The following CPNE9 variants were observed in gnomAD, a reference collection of about 807,000 sequenced individuals.
CPNE9 encodes the protein copine family member 9.
CPNE9 carries 59 observed loss-of-function variants against 83.0 expected under a neutral mutation model. The observed-to-expected ratio is 0.71, with a 90% CI of 0.58 to 0.88. CPNE9 has a LOEUF of 0.88. CPNE9 is among the 40% of genes least tolerant of loss of function. The pLI is 0.00. For missense variants in CPNE9, 619 were observed against 720.8 expected, an observed-to-expected ratio of 0.86 and a Z score of 1.62; for synonymous variants, 256 against 273.4, an observed-to-expected ratio of 0.94 and a Z score of 0.63.
chr3:9,716,963 A>G, intron 14 of CPNE9, 95 bp from the exon 15 acceptor site: 1 of 1,304,560 alleles, frequency 7.7e-7, no homozygotes, highest in Non-Finnish European at 1.1e-6. Context: ...TTTTAACATG[A>G]GCCCCACGTG....
Position 9,705,012 on chromosome 3 carries a change from A to T in CPNE9, c.260+18A>T. 6.3e-7 allele frequency: 1 copy of T among 1,578,658 alleles called. No individual in the cohort carries two copies. Among genetic ancestry groups the T allele is most frequent in the Admixed American group, 1.7e-5 (1 of 57,776 alleles). Reference sequence around the variant, plus strand: ...TTCGATGTGTGAGGCCCCGCCTGGAATTCTGGCTTGGCCCGCCCCCGACCT... The same window carrying T: ...TTCGATGTGTGAGGCCCCGCCTGGATTTCTGGCTTGGCCCGCCCCCGACCT... On this transcript the variant is annotated intron_variant, in intron 4 of 20. Coordinates refer to ENST00000383832, the MANE Select transcript of CPNE9 (RefSeq NM_153635.3).
intron 7 of CPNE9, among the ~76,000 whole-genome samples, chr3:9,707,599 T>C (rs1355434866): frequency 6.6e-6 from 1 of 150,778 alleles, no homozygotes; most frequent in Non-Finnish European, 1.5e-5. Flanking sequence ...AAAGATGGAA[T>C]TGACACAAAC....
chr3:9,717,566 C>A (rs763531823), intron 15 of CPNE9, among the ~76,000 whole-genome samples: 2 of 151,984 alleles, frequency 1.3e-5, no homozygotes, highest in African/African-American at 4.8e-5. Flanking sequence ...TGAGAATAGA[C>A]AAGGGAATGA....
intron 17 of CPNE9, among the ~76,000 whole-genome samples, chr3:9,720,043 C>G (rs1257998417): frequency 6.7e-6 from 1 of 149,620 alleles, no homozygotes; most frequent in Non-Finnish European, 1.5e-5. Flanking sequence ...ACACACAAAC[C>G]AAAGAAAACC....
intron 20 of CPNE9, 107 bp from the exon 21 acceptor site, chr3:9,729,400 G>C (rs999507896): frequency 4.2e-6 from 6 of 1,438,150 alleles, no homozygotes; most frequent in Non-Finnish European, 5.6e-6. Flanking sequence ...GAGATACTGT[G>C]ATAGTTGGAA....
chr3:9,725,174 C>G (rs890787378), intron 17 of CPNE9, among the ~76,000 whole-genome samples: 4 of 152,106 alleles, frequency 2.6e-5, no homozygotes, highest in Admixed American at 6.6e-5. Flanking sequence ...CTCCAGAGGG[C>G]TGGGATGGAT....
chr3:9,711,437 G>A (rs1463943088), intron 7 of CPNE9, among the ~76,000 whole-genome samples: 2 of 151,680 alleles, frequency 1.3e-5, no homozygotes, highest in African/African-American at 4.8e-5. Flanking sequence ...GGCTGGTCTC[G>A]AGCTCCCGAC....
At chr3:9,716,628 G>A (rs560830192) in intron 14 of CPNE9, among the ~76,000 whole-genome samples, 1 of 152,156 alleles carries the variant, frequency 6.6e-6, no homozygotes, top group East Asian at 1.9e-4. Context: ...GCGCCACCAC[G>A]CCCGGCTAAT....
At chr3:9,714,995 C>A (rs1330022704) in intron 11 of CPNE9, 40 bp downstream of exon 11, 15 of 1,576,728 alleles carry the variant, frequency 9.5e-6, no homozygotes, top group Non-Finnish European at 1.3e-5. Context: ...TGTACTTGAC[C>A]CAAGCAGTTC....
At chr3:9,706,617 A>T (rs1321496346) in intron 7 of CPNE9, among the ~76,000 whole-genome samples, 1 of 152,220 alleles carries the variant, frequency 6.6e-6, no homozygotes, top group Non-Finnish European at 1.5e-5. Flanking sequence ...ACAGTACAAA[A>T]TAGACATAAG....
chr3:9,711,870 G>C (rs1349068340), intron 7 of CPNE9, among the ~76,000 whole-genome samples: 2 of 152,184 alleles, frequency 1.3e-5, no homozygotes, highest in African/African-American at 2.4e-5. Flanking sequence ...TCTTCAGAAA[G>C]CACATCAGCT....
intron 16 of CPNE9, 27 bp from the exon 17 acceptor site, chr3:9,718,447 CA>C: frequency 6.2e-7 from 1 of 1,602,266 alleles, no homozygotes; most frequent in East Asian, 2.2e-5. Flanking sequence ...TGCATGGGCT[CA>C]GCCTGGCAGG....
chr3:9,712,659 T>A (rs2076641308), intron 8 of CPNE9, 55 bp downstream of exon 8: 2 of 1,607,558 alleles, frequency 1.2e-6, no homozygotes, highest in African/African-American at 2.7e-5. Flanking sequence ...CCGTAAACCC[T>A]TTAATGGACT....
Position 9,706,007 on chromosome 3 carries a change from C to T in CPNE9, c.321C>T (p.Phe107=). ...CATAGGATTTCCTGGGACAAGCGTTCCTGGCCCTGGGAGAGGTGATTGGAG... is the reference window on the plus strand; with the variant it reads ...CATAGGATTTCCTGGGACAAGCGTTTCTGGCCCTGGGAGAGGTGATTGGAG... ...SKPKDFLGQA[F]LALGEVIGGQ... is the part of the protein sequence containing the mutation. Residue 107 remains phenylalanine (F), a synonymous_variant, in exon 7 of 21, where the codon TTC becomes TTT. Coordinates refer to ENST00000383832, the MANE Select transcript of CPNE9 (RefSeq NM_153635.3). The T allele has an allele frequency of 6.2e-7, 1 of 1,613,622 alleles. No individual in the cohort carries two copies. The highest frequency in any genetic ancestry group is 2.2e-5 in the East Asian group (1 of 44,874).
At position 9,717,057 on chromosome 3, in the gene CPNE9, G is replaced by A; in HGVS notation, c.885-1G>A. 6.2e-7 allele frequency: 1 copy of A among 1,614,128 alleles called. No homozygotes were observed. The highest frequency in any genetic ancestry group is 8.5e-7 in the Non-Finnish European group (1 of 1,179,984). The stretch of plus-strand genomic sequence containing the variant: ...TCTCAATTCATCTGCTTCCCCAACA[G>A]GACACAGCTGAACTTCACAGTAGCC... On this transcript the variant is annotated splice_acceptor_variant, in intron 14 of 20. Transcript: ENST00000383832. LOFTEE classifies it high-confidence loss of function.
In CPNE9 at chr3:9,712,780, G is replaced by T; in HGVS notation, c.497G>T (p.Gly166Val). 2 of 1,614,126 alleles carry T rather than the reference G, an allele frequency of 1.2e-6. No homozygotes were observed. Among genetic ancestry groups the T allele is most frequent in the Non-Finnish European group, 1.7e-6 (2 of 1,180,018 alleles). The change falls in exon 9 of 21, where the codon GGG (glycine) becomes GTG (valine). Residue 166 changes from glycine to valine, a missense_variant. Physicochemically the swap from Gly to Val is moderately radical, Grantham distance 109. This residue lies in a region of CPNE9 where 438 missense variants were observed against 562.9 expected (regional missense o/e 0.78). Transcript: ENST00000383832. Reference sequence around the variant, plus strand: ...AAGCTGGACAAGAAGGACTTCTTTGGGAAATCAGACCCCTTCCTTGTGTTC... The same window carrying T: ...AAGCTGGACAAGAAGGACTTCTTTGTGAAATCAGACCCCTTCCTTGTGTTC... ...ANKLDKKDFF[G>V]KSDPFLVFYR...
intron 19 of CPNE9, 113 bp downstream of exon 19, chr3:9,726,835 A>C: frequency 1.0e-6 from 1 of 974,100 alleles, no homozygotes; most frequent in Non-Finnish European, 1.6e-6. Context: ...CCCCCGTGTG[A>C]AGCCTTGGTC....
chr3:9,710,202 T>C (rs1272646872), intron 7 of CPNE9, among the ~76,000 whole-genome samples: 1 of 152,034 alleles, frequency 6.6e-6, no homozygotes, highest in East Asian at 1.9e-4. Flanking sequence ...AATGACCAAG[T>C]AGAAACTGAA....
At chr3:9,708,283 A>T (rs1243282623) in intron 7 of CPNE9, among the ~76,000 whole-genome samples, 1 of 152,088 alleles carries the variant, frequency 6.6e-6, no homozygotes, top group Non-Finnish European at 1.5e-5. Context: ...ATGCTATTAG[A>T]TGAGATCACC....
Sources: allele counts gnomAD v4.1 joint callset (sites outside exome capture counted in the v4.1 genomes callset), GRCh38; gene constraint gnomAD v4.1.1; regional missense constraint gnomAD v4.1.1; transcripts MANE v1.5; gene names NCBI Gene and HGNC (gene_info 2026-07-23, HGNC 2026-07-21).